FLT1: variants seen among roughly 807,000 people sequenced by gnomAD.
FLT1 encodes vascular endothelial growth factor receptor 1.
FLT1 carries 49 observed loss-of-function variants against 156.3 expected under a neutral mutation model. That is an observed-to-expected ratio of 0.31 (90% confidence interval 0.25 to 0.40). The LOEUF is 0.40. Ranked by LOEUF, FLT1 falls within the 10% of genes least tolerant of loss-of-function variation. The pLI is 1.00. For missense variants in FLT1, 1,322 were observed against 1,637.2 expected (o/e 0.81, Z 3.32); for synonymous variants, 594 against 583.8 (o/e 1.02, Z -0.25).
intron 10 of FLT1, among the ~76,000 whole-genome samples, chr13:28,406,389 C>T (rs1418937562): frequency 6.6e-6 from 1 of 152,168 alleles, no homozygotes; most frequent in East Asian, 1.9e-4. Flanking sequence ...AATTCAGTCT[C>T]TCTCTGCTCA....
chr13:28,333,680 TACA>T (rs1412636070), intron 18 of FLT1, among the ~76,000 whole-genome samples: 1 of 152,204 alleles, frequency 6.6e-6, no homozygotes, highest in Non-Finnish European at 1.5e-5. Flanking sequence ...AAGTTTCCAT[TACA>T]ACATCACAGT....
chr13:28,345,383 A>T (rs2138858894), intron 16 of FLT1, 62 bp downstream of exon 16: 1 of 999,672 alleles, frequency 1.0e-6, no homozygotes, highest in East Asian at 2.6e-5. Context: ...TACTCTAGAC[A>T]TCAGATCGGG....
intron 15 of FLT1, among the ~76,000 whole-genome samples, chr13:28,349,425 T>TACACACACACACAC (rs34182100): frequency 2.8e-4 from 41 of 147,014 alleles, no homozygotes; most frequent in Middle Eastern, 3.5e-3. Context: ...GGCCTTGCTG[T>TACACACACACACAC]ACACACACAC....
At chr13:28,434,980 G>GT in intron 4 of FLT1, among the ~76,000 whole-genome samples, 1 of 152,284 alleles carries the variant, frequency 6.6e-6, no homozygotes, top group South Asian at 2.1e-4. Context: ...ACAAGCCATA[G>GT]TTTTTCCTCC....
rs770751666 is a variant in FLT1, at chr13:28,300,516, TACACCC to T, written c.*2645_*2650del. 4 of 171,494 alleles carry T rather than the reference TACACCC, an allele frequency of 2.3e-5. No homozygotes were observed. The highest frequency in any genetic ancestry group is 6.8e-5 in the East Asian group (1 of 14,802). 10.6% of individuals were successfully genotyped at this position (171,494 alleles called of 1,614,324 possible). ...TAAATAGTTATGCACAAAACACACA[TACACCC>T]ACACACACACACACACACACACACA... is the stretch of plus-strand genomic sequence containing the variant. On this transcript the variant is annotated 3_prime_UTR_variant, in exon 30 of 30. Transcript: ENST00000282397.
chr13:28,422,207 T>C (rs1877048109), intron 10 of FLT1, among the ~76,000 whole-genome samples: 1 of 152,244 alleles, frequency 6.6e-6, no homozygotes, highest in Non-Finnish European at 1.5e-5. Context: ...TCAGCAATAT[T>C]AATGCAATGT....
chr13:28,404,825 A>T (rs1593752802), intron 11 of FLT1, among the ~76,000 whole-genome samples: 1 of 151,930 alleles, frequency 6.6e-6, no homozygotes, highest in South Asian at 2.1e-4. Context: ...TTTGAGACCA[A>T]CCTGGCCAAT....
intron 14 of FLT1, among the ~76,000 whole-genome samples, chr13:28,372,566 G>GTGTATATATATATATATATA (rs1555232432): frequency 2.0e-4 from 18 of 91,452 alleles, no homozygotes; most frequent in Non-Finnish European, 2.7e-4. Flanking sequence ...TAAATAAAAT[G>GTGTATATATATATATATATA]TATATATATA....
chr13:28,326,673 G>A (rs550178685), intron 20 of FLT1, among the ~76,000 whole-genome samples: 6 of 151,640 alleles, frequency 4.0e-5, no homozygotes, highest in Non-Finnish European at 7.4e-5. Context: ...TTACAGGCGC[G>A]GGCCACCACG....
intron 7 of FLT1, 131 bp downstream of exon 7, chr13:28,431,005 C>G: frequency 4.9e-6 from 4 of 813,522 alleles, no homozygotes; most frequent in Non-Finnish European, 8.4e-6. Context: ...GAGGAGGGAA[C>G]CATGGCCAAG....
chr13:28,465,839 A>AAACAAAC (rs1566044341), intron 3 of FLT1, among the ~76,000 whole-genome samples: 3 of 151,906 alleles, frequency 2.0e-5, no homozygotes, highest in African/African-American at 7.3e-5. Context: ...CCATCTCAAA[A>AAACAAAC]AAACAAACAA....
chr13:28,379,544 T>C (rs1303997230), intron 14 of FLT1, among the ~76,000 whole-genome samples: 1 of 152,108 alleles, frequency 6.6e-6, no homozygotes, highest in African/African-American at 2.4e-5. Flanking sequence ...ATCGAAGCCC[T>C]GAGAAGCCTG....
At chr13:28,364,525 T>C (rs1019788147) in intron 14 of FLT1, among the ~76,000 whole-genome samples, 7 of 152,224 alleles carry the variant, frequency 4.6e-5, no homozygotes, top group African/African-American at 9.6e-5. Context: ...ATAAAATCTG[T>C]TTAAGAGATT....
Position 28,494,901 on chromosome 13 carries a change from G to C in FLT1, c.-58C>G. On this transcript the variant is annotated 5_prime_UTR_variant, in exon 1 of 30. Transcript: ENST00000282397. ...CCGCGCTCCCCGCGGCCAACGACCC[G>C]GCCGCCAGAGTCCGTCCTCTCGTTC... 7.2e-7 allele frequency: 1 copy of C among 1,392,262 alleles called. No homozygotes were observed. Among genetic ancestry groups the C allele is most frequent in the Non-Finnish European group, 9.7e-7 (1 of 1,034,214 alleles). The allele number at this position is 1,392,262 out of a possible 1,614,324, so 86.2% of individuals were successfully genotyped here.
intron 14 of FLT1, among the ~76,000 whole-genome samples, chr13:28,372,048 GTATATATATATATA>G (rs1169072431): frequency 1.2e-3 from 89 of 75,578 alleles, no homozygotes; most frequent in Middle Eastern, 0.015. Flanking sequence ...GTGTGTGTGT[GTATATATATATATA>G]TATATATATA....
At chr13:28,375,063 A>AG (rs1873784371) in intron 14 of FLT1, among the ~76,000 whole-genome samples, 1 of 152,190 alleles carries the variant, frequency 6.6e-6, no homozygotes, top group African/African-American at 2.4e-5. Flanking sequence ...TTATGCTGTA[A>AG]AATGCATCCA....
At chr13:28,463,682 C>T (rs1879708796) in intron 3 of FLT1, among the ~76,000 whole-genome samples, 4 of 152,064 alleles carry the variant, frequency 2.6e-5, no homozygotes, top group Admixed American at 2.6e-4. Flanking sequence ...TTTATTAATG[C>T]CAGAGACAAT....
chr13:28,409,031 A>T, intron 10 of FLT1, among the ~76,000 whole-genome samples: 1 of 152,262 alleles, frequency 6.6e-6, no homozygotes, highest in Non-Finnish European at 1.5e-5. Flanking sequence ...TGTTTCCAAC[A>T]CATGGAGCTA....
At chr13:28,378,520 G>A (rs1165702364) in intron 14 of FLT1, among the ~76,000 whole-genome samples, 1 of 152,176 alleles carries the variant, frequency 6.6e-6, no homozygotes, top group Non-Finnish European at 1.5e-5. Flanking sequence ...TGTGCAGAGT[G>A]CAGGCTTCAG....
Sources: allele counts gnomAD v4.1 joint callset (sites outside exome capture counted in the v4.1 genomes callset), GRCh38; gene constraint gnomAD v4.1.1; transcripts MANE v1.5; gene names NCBI Gene and HGNC (gene_info 2026-07-23, HGNC 2026-07-21).